CCDC178: variants seen among roughly 807,000 people sequenced by gnomAD.
The protein encoded by CCDC178 is coiled-coil domain-containing protein 178.
Under a neutral mutation model 117.4 loss-of-function variants are expected in CCDC178, and 126 were observed. That is an observed-to-expected ratio of 1.07 (90% CI 0.93 to 1.24). The LOEUF is 1.24. Among genes scored for constraint, CCDC178 ranks in the 50% most tolerant of loss-of-function variants. The pLI, the probability that CCDC178 is intolerant of heterozygous loss-of-function variation, is 0.00. For synonymous variants in CCDC178, 283 were observed against 313.4 expected, an observed-to-expected ratio of 0.90 and a Z score of 1.02; for missense variants, 1,030 against 986.9, an observed-to-expected ratio of 1.04 and a Z score of -0.59.
intron 9 of CCDC178, among the ~76,000 whole-genome samples, chr18:33,341,904 CTTAAACAGTTTGGCATGGA>C (rs1218655748): frequency 6.6e-6 from 1 of 152,064 alleles, no homozygotes; most frequent in Non-Finnish European, 1.5e-5. Context: ...CAACTTTGGG[CTTAAACAGTTTGGCATGGA>C]TTAAAAAAAA....
intron 20 of CCDC178, among the ~76,000 whole-genome samples, chr18:33,158,312 GC>G: frequency 6.6e-6 from 1 of 152,070 alleles, no homozygotes; most frequent in South Asian, 2.1e-4. Context: ...AATACTTGTA[GC>G]CCCAGAATTT....
At chr18:33,279,322 G>A (rs912527271) in intron 12 of CCDC178, among the ~76,000 whole-genome samples, 32 of 151,830 alleles carry the variant, frequency 2.1e-4, no homozygotes, top group Non-Finnish European at 2.4e-4. Flanking sequence ...CAGACAAACA[G>A]AGAGCCAAAT....
chr18:33,244,389 C>T (rs984259660), intron 15 of CCDC178, among the ~76,000 whole-genome samples: 9 of 151,994 alleles, frequency 5.9e-5, no homozygotes, highest in Admixed American at 5.3e-4. Flanking sequence ...GCTTTGTGTC[C>T]ATACCCAAAT....
chr18:33,304,429 T>C (rs1024531263), intron 11 of CCDC178, among the ~76,000 whole-genome samples: 1 of 152,198 alleles, frequency 6.6e-6, no homozygotes, highest in Non-Finnish European at 1.5e-5. Context: ...GTAAACAAGA[T>C]GGCAAGAAAG....
chr18:33,011,835 G>C (rs887134302), intron 21 of CCDC178, among the ~76,000 whole-genome samples: 1 of 136,866 alleles, frequency 7.3e-6, no homozygotes. Flanking sequence ...GAGTCTCCTG[G>C]GCTCATTGCA....
chr18:33,359,891 TAA>T (rs1256711491), intron 6 of CCDC178, among the ~76,000 whole-genome samples: 1 of 151,374 alleles, frequency 6.6e-6, no homozygotes, highest in Non-Finnish European at 1.5e-5. Context: ...TTCTGCTTGA[TAA>T]ATCTAACATT....
Position 33,343,286 on chromosome 18 carries a change from C to T in CCDC178, c.658+2925G>A, listed in dbSNP as rs1228859841. Among the ~76,000 whole-genome samples the T allele has an allele frequency of 3.9e-5, 6 of 152,136 alleles. No individual in the cohort carries two copies. In the East Asian group the frequency reaches 1.2e-3, roughly 29 times the overall value. On this transcript the variant is annotated intron_variant, in intron 9 of 22. Transcript: ENST00000383096. ...GTTTGGGTATAATATAATATAGGTA[C>T]TCTTTTATTTTGCAAGGGAAAACTG...
intron 20 of CCDC178, among the ~76,000 whole-genome samples, chr18:33,135,030 GA>G (rs1230237283): frequency 2.6e-5 from 4 of 151,740 alleles, no homozygotes; most frequent in African/African-American, 9.7e-5. Flanking sequence ...CAGTATTTCA[GA>G]AAAAAATAAA....
At chr18:33,310,544 G>A (rs1007709808) in intron 11 of CCDC178, among the ~76,000 whole-genome samples, 2 of 151,954 alleles carry the variant, frequency 1.3e-5, no homozygotes, top group African/African-American at 4.8e-5. Context: ...AAATTAGCCA[G>A]GCATAGTGGC....
intron 21 of CCDC178, among the ~76,000 whole-genome samples, chr18:33,024,324 G>T (rs1001109166): frequency 6.6e-6 from 1 of 152,100 alleles, no homozygotes; most frequent in African/African-American, 2.4e-5. Context: ...TGGCTGGATC[G>T]TTTTTATTCT....
intron 20 of CCDC178, among the ~76,000 whole-genome samples, chr18:33,138,364 T>C (rs1261374314): frequency 6.6e-6 from 1 of 152,176 alleles, no homozygotes; most frequent in East Asian, 1.9e-4. Context: ...ATTACTATTA[T>C]AGCTTCCAGA....
Position 33,115,954 on chromosome 18 carries a change from G to A in CCDC178, c.2239-23044C>T, listed in dbSNP as rs1469430264. 4.6e-5 allele frequency among the ~76,000 whole-genome samples: 7 copies of A among 152,150 alleles called. No homozygotes were observed. The East Asian group carries it at 9.7e-4, about 21-fold the overall frequency. ...CTAAGTTTATTTTGACTAAATTGAT[G>A]TCAAATGAAATTTGACAGTTTTTCA... On this transcript the variant is annotated intron_variant, in intron 20 of 22. Coordinates refer to ENST00000383096, the MANE Select transcript of CCDC178 (RefSeq NM_001105528.4).
At chr18:32,960,222 C>A (rs1309829334) in intron 22 of CCDC178, among the ~76,000 whole-genome samples, 10 of 152,070 alleles carry the variant, frequency 6.6e-5, no homozygotes, top group Non-Finnish European at 1.3e-4. Context: ...CAAGGCTACA[C>A]TTTTTATCCA....
At chr18:33,392,244 T>C (rs987986217) in intron 4 of CCDC178, among the ~76,000 whole-genome samples, 5 of 152,328 alleles carry the variant, frequency 3.3e-5, no homozygotes, top group South Asian at 2.1e-4. Flanking sequence ...TTGTTTATAA[T>C]AGAGCACTAG....
chr18:33,208,610 A>C (rs934596545), intron 20 of CCDC178, among the ~76,000 whole-genome samples: 1 of 152,066 alleles, frequency 6.6e-6, no homozygotes, highest in Non-Finnish European at 1.5e-5. Flanking sequence ...GAGAATGTAG[A>C]AATGAAGAGT....
intron 11 of CCDC178, among the ~76,000 whole-genome samples, chr18:33,297,108 A>G (rs1321865208): frequency 6.6e-6 from 1 of 152,144 alleles, no homozygotes; most frequent in African/African-American, 2.4e-5. Context: ...GAAGAAAAAA[A>G]TTAAAAATAC....
At chr18:33,417,376 T>A (rs925775764) in intron 2 of CCDC178, among the ~76,000 whole-genome samples, 1 of 152,160 alleles carries the variant, frequency 6.6e-6, no homozygotes, top group African/African-American at 2.4e-5. Flanking sequence ...TTTATATTCA[T>A]GACATAACAT....
intron 21 of CCDC178, among the ~76,000 whole-genome samples, chr18:33,021,587 T>C (rs1474078870): frequency 1.3e-5 from 2 of 152,098 alleles, no homozygotes; most frequent in Non-Finnish European, 2.9e-5. Context: ...CCCTTGACTA[T>C]TGGTCTGTGA....
chr18:33,060,271 T>G (rs1392898436), intron 21 of CCDC178, among the ~76,000 whole-genome samples: 1 of 152,152 alleles, frequency 6.6e-6, no homozygotes, highest in Non-Finnish European at 1.5e-5. Context: ...AAATTTAGGT[T>G]TATTGTCTCT....
Sources: allele counts gnomAD v4.1 joint callset (sites outside exome capture counted in the v4.1 genomes callset), GRCh38; gene constraint gnomAD v4.1.1; transcripts MANE v1.5; gene names NCBI Gene and HGNC (gene_info 2026-07-23, HGNC 2026-07-21).